Variants in ADGRA1 observed in about 807,000 individuals in gnomAD.
The protein encoded by ADGRA1 is adhesion G protein-coupled receptor A1.
In ADGRA1, 12 loss-of-function variants were observed where a neutral mutation model predicts 21.3. The ratio of observed to expected loss-of-function variants is 0.56; its 90% CI spans 0.36 to 0.91. ADGRA1 has a LOEUF of 0.91. Among genes scored for constraint, ADGRA1 ranks in the 40% least tolerant of loss-of-function variants. The probability of loss-of-function intolerance (pLI) is 0.01; values close to 1 mark genes in which losing one functional copy is unlikely to be tolerated. For synonymous variants in ADGRA1, 385 were observed against 368.8 expected (o/e 1.04, Z -0.50); for missense variants, 790 against 805.6 (o/e 0.98, Z 0.23).
intron 5 of ADGRA1, among the ~76,000 whole-genome samples, chr10:133,122,333 G>A (rs913785962): frequency 3.3e-5 from 5 of 152,178 alleles, no homozygotes; most frequent in Non-Finnish European, 5.9e-5. Flanking sequence ...TCCTCGCCCC[G>A]TTTCCCCGTG....
At chr10:133,093,714 G>A (rs1403462426) in intron 2 of ADGRA1, among the ~76,000 whole-genome samples, 1 of 152,192 alleles carries the variant, frequency 6.6e-6, no homozygotes, top group Non-Finnish European at 1.5e-5. Context: ...CACCCCCCAG[G>A]AGCCTGGCTG....
chr10:133,122,369 T>C (rs1445602970), intron 5 of ADGRA1, among the ~76,000 whole-genome samples: 1 of 152,098 alleles, frequency 6.6e-6, no homozygotes, highest in African/African-American at 2.4e-5. Flanking sequence ...ATTCCGACCA[T>C]CAGCTCCAAC....
intron 5 of ADGRA1, among the ~76,000 whole-genome samples, chr10:133,111,306 A>C (rs996696437): frequency 1.5e-4 from 2 of 13,410 alleles, no homozygotes; most frequent in African/African-American, 3.4e-4. Context: ...CCCCCCGGGA[A>C]CCATCCCTCC....
intron 2 of ADGRA1, among the ~76,000 whole-genome samples, chr10:133,092,132 C>G (rs1247760683): frequency 1.3e-5 from 2 of 152,262 alleles, no homozygotes; most frequent in Admixed American, 1.3e-4. Context: ...AATGGGCATT[C>G]AGGAGGTGGG....
rs538211062 is a variant in ADGRA1 at position 133,103,092 on chromosome 10, T to C, written c.401+250T>C. Among the ~76,000 whole-genome samples the C allele has an allele frequency of 4.1e-4, 62 of 151,794 alleles. 2 individuals carry two copies. The South Asian group carries it at 0.013, about 31-fold the overall frequency. ...ACTGGGGGTGGGGCAGAGGGGGCCCTGAGGGTGGAGGGTCCCGGGTGGAGT... is the reference window on the plus strand; with the variant it reads ...ACTGGGGGTGGGGCAGAGGGGGCCCCGAGGGTGGAGGGTCCCGGGTGGAGT... On this transcript the variant is annotated intron_variant, in intron 5 of 6. Coordinates refer to ENST00000392607, the MANE Select transcript of ADGRA1 (RefSeq NM_001083909.3).
At chr10:133,105,256 C>A (rs969642627) in intron 5 of ADGRA1, among the ~76,000 whole-genome samples, 3 of 152,244 alleles carry the variant, frequency 2.0e-5, no homozygotes, top group Non-Finnish European at 4.4e-5. Flanking sequence ...TCCTGCCGGA[C>A]CCTCCGCCGG....
intron 2 of ADGRA1, among the ~76,000 whole-genome samples, chr10:133,094,661 A>G (rs985546714): frequency 6.6e-6 from 1 of 151,972 alleles, no homozygotes; most frequent in Admixed American, 6.6e-5. Flanking sequence ...CACAGAGTGG[A>G]CCCCACTCTC....
Position 133,128,909 on chromosome 10 carries a change from C to T in ADGRA1, c.1081C>T (p.Pro361Ser). 1 of 1,557,826 alleles carries T rather than the reference C, an allele frequency of 6.4e-7. No individual in the cohort carries two copies. Among genetic ancestry groups the T allele is most frequent in the Non-Finnish European group, 8.7e-7 (1 of 1,154,762 alleles). ...QPRGFAHPPGPCKMTNLQAAQ... is the reference protein window; with the variant it reads ...QPRGFAHPPGSCKMTNLQAAQ... ...ACGGGGCTTCGCGCACCCACCGGGC[C>T]CCTGCAAGATGACCAACCTGCAGGC... The change falls in exon 7 of 7, where the codon CCC becomes TCC. Residue 361 changes from proline to serine, a missense_variant. Pro to Ser is a moderately conservative substitution (Grantham distance 74). Around this residue, in one of 3 missense-constraint regions of ADGRA1, gnomAD observed 391 missense variants for 351.5 expected, o/e 1.11. Coordinates refer to ENST00000392607, the MANE Select transcript of ADGRA1 (RefSeq NM_001083909.3).
At chr10:133,124,727 C>T (rs1404618573) in intron 5 of ADGRA1, among the ~76,000 whole-genome samples, 1 of 152,356 alleles carries the variant, frequency 6.6e-6, no homozygotes, top group Non-Finnish European at 1.5e-5. Flanking sequence ...AGCTGCCAGA[C>T]GGGCGGGAAC....
At chr10:133,090,344 G>A (rs1040491815) in intron 2 of ADGRA1, among the ~76,000 whole-genome samples, 13 of 152,256 alleles carry the variant, frequency 8.5e-5, no homozygotes, top group African/African-American at 2.7e-4. Flanking sequence ...GGTCCCAGCC[G>A]GCCTGGCAGC....
chr10:133,128,240 G>C (rs1031613478), intron 6 of ADGRA1, 89 bp from the exon 7 acceptor site: 3 of 980,210 alleles, frequency 3.1e-6, no homozygotes, highest in Middle Eastern at 6.6e-4. Flanking sequence ...TCGCTAGGCC[G>C]GGTGGGTGCA....
intron 4 of ADGRA1, among the ~76,000 whole-genome samples, chr10:133,101,829 A>G (rs529721756): frequency 4.1e-4 from 63 of 152,284 alleles, no homozygotes; most frequent in Admixed American, 3.9e-3. Context: ...CCAGCGGCGC[A>G]CAGGGATCTC....
At position 133,088,947 on chromosome 10, in the gene ADGRA1, G is replaced by C. The variant is rs957501496; in HGVS notation, c.3+35G>C. 8 of 1,239,412 alleles carry C rather than the reference G, an allele frequency of 6.5e-6. No individual in the cohort carries two copies. In the African/African-American group the frequency reaches 1.2e-4, roughly 19 times the overall value. The allele number at this position is 1,239,412 out of a possible 1,614,324, so 76.8% of individuals were successfully genotyped here. A position where few individuals can be genotyped will look rare whatever the true frequency, so the allele number is the denominator to read the frequency against. On this transcript the variant is annotated intron_variant, in intron 2 of 6. Transcript: ENST00000392607. The stretch of plus-strand genomic sequence containing the variant: ...GGGGTCCCGGGGGTCCTGCAGCTGG[G>C]GGCTAGGCCGCTGCGGGGGGGCGGC...
At chr10:133,107,325 G>T (rs1228631068) in intron 5 of ADGRA1, among the ~76,000 whole-genome samples, 4 of 152,136 alleles carry the variant, frequency 2.6e-5, no homozygotes, top group African/African-American at 9.7e-5. Flanking sequence ...AGTCTGGAGG[G>T]CTTTATTTCT....
At chr10:133,111,171 CGCCGTGAGCACCT>C (rs1564848861) in intron 5 of ADGRA1, among the ~76,000 whole-genome samples, 3 of 137,498 alleles carry the variant, frequency 2.2e-5, no homozygotes, top group African/African-American at 9.8e-5. Flanking sequence ...ACCACCTGCC[CGCCGTGAGCACCT>C]CCCTCCTAAT....
chr10:133,119,506 T>A (rs779640437), intron 5 of ADGRA1, among the ~76,000 whole-genome samples: 3 of 152,256 alleles, frequency 2.0e-5, no homozygotes, highest in Non-Finnish European at 4.4e-5. Flanking sequence ...CAGTGGAACT[T>A]CTTTCAAAAC....
At chr10:133,104,693 T>C (rs1169068714) in intron 5 of ADGRA1, among the ~76,000 whole-genome samples, 1 of 152,168 alleles carries the variant, frequency 6.6e-6, no homozygotes, top group African/African-American at 2.4e-5. Flanking sequence ...GTTCCAGCTG[T>C]GTTCCTTGGT....
At chr10:133,116,972 G>A (rs1028513432) in intron 5 of ADGRA1, among the ~76,000 whole-genome samples, 38 of 152,114 alleles carry the variant, frequency 2.5e-4, no homozygotes, top group Non-Finnish European at 4.1e-4. Context: ...TCTCACCATC[G>A]CTGTCCCCAT....
intron 3 of ADGRA1, 73 bp from the exon 4 acceptor site, chr10:133,098,567 C>A: frequency 6.5e-7 from 1 of 1,538,604 alleles, no homozygotes; most frequent in Non-Finnish European, 8.7e-7. Context: ...AGCCTGCGCC[C>A]CAGGGGGCTC....
Sources: allele counts gnomAD v4.1 joint callset (sites outside exome capture counted in the v4.1 genomes callset), GRCh38; gene constraint gnomAD v4.1.1; regional missense constraint gnomAD v4.1.1; transcripts MANE v1.5; gene names NCBI Gene and HGNC (gene_info 2026-07-23, HGNC 2026-07-21).